The following JAZF1 variants were observed in gnomAD, a reference collection of about 807,000 sequenced individuals.
The protein encoded by JAZF1 is JAZF zinc finger 1.
In JAZF1, 8 loss-of-function variants were observed where a neutral mutation model predicts 26.4. That is an observed-to-expected ratio of 0.30 (90% confidence interval 0.18 to 0.55). JAZF1 has a LOEUF of 0.55. JAZF1 is among the 20% of genes least tolerant of loss of function. The pLI, the probability that JAZF1 is intolerant of heterozygous loss-of-function variation, is 0.94. For missense variants in JAZF1, 199 were observed against 322.0 expected, an observed-to-expected ratio of 0.62 and a Z score of 2.92; for synonymous variants, 126 against 122.3, an observed-to-expected ratio of 1.03 and a Z score of -0.20.
At chr7:28,010,817 G>A (rs945775819) in intron 1 of JAZF1, among the ~76,000 whole-genome samples, 7 of 152,240 alleles carry the variant, frequency 4.6e-5, no homozygotes, top group Admixed American at 6.5e-5. Flanking sequence ...AAGGTAAGAG[G>A]ATTCTCAATT....
At chr7:27,979,330 T>C (rs1212780215) in intron 2 of JAZF1, among the ~76,000 whole-genome samples, 7 of 141,156 alleles carry the variant, frequency 5.0e-5, no homozygotes, top group Non-Finnish European at 7.6e-5. Flanking sequence ...TTGCAGAAAA[T>C]ACAGTATAAT....
At chr7:28,004,092 T>A (rs944685054) in intron 1 of JAZF1, among the ~76,000 whole-genome samples, 1 of 152,108 alleles carries the variant, frequency 6.6e-6, no homozygotes, top group Non-Finnish European at 1.5e-5. Context: ...GATCTAAGAA[T>A]AATCTAGTGT....
chr7:27,952,791 A>C (rs147723058), intron 2 of JAZF1, among the ~76,000 whole-genome samples: 53 of 152,350 alleles, frequency 3.5e-4, no homozygotes, highest in African/African-American at 1.2e-3. Flanking sequence ...ACATGTTTGA[A>C]ACATGTTCAG....
chr7:27,980,058 C>A (rs1785551184), intron 2 of JAZF1, among the ~76,000 whole-genome samples: 1 of 152,108 alleles, frequency 6.6e-6, no homozygotes, highest in South Asian at 2.1e-4. Context: ...GGTGTCCTAC[C>A]CTATTTTTCC....
intron 1 of JAZF1, among the ~76,000 whole-genome samples, chr7:28,117,336 T>A (rs1784762988): frequency 6.6e-6 from 1 of 152,218 alleles, no homozygotes; most frequent in African/African-American, 2.4e-5. Flanking sequence ...TTCTCAGCAT[T>A]TTATGCAGAT....
chr7:28,110,513 GGAAAA>G (rs1467713449), intron 1 of JAZF1, among the ~76,000 whole-genome samples: 1 of 62,294 alleles, frequency 1.6e-5, no homozygotes, highest in Admixed American at 2.3e-4. Context: ...GAAAAGGAAA[GGAAAA>G]GGAAAAGGAA....
In JAZF1 at chr7:28,174,340, C is replaced by T. The variant is rs1011913723; in HGVS notation, c.115+6123G>A. Among the ~76,000 whole-genome samples, 4 of 152,288 alleles carry T rather than the reference C, an allele frequency of 2.6e-5. No homozygotes were observed. In the South Asian group the frequency reaches 8.3e-4, roughly 32 times the overall value. Reference sequence around the variant, plus strand: ...TCTCCTGTCTCTCAGACTCAGTCTACAACACCAGGCCTCTGGCTTCCAAAC... The same window carrying T: ...TCTCCTGTCTCTCAGACTCAGTCTATAACACCAGGCCTCTGGCTTCCAAAC... On this transcript the variant is annotated intron_variant, in intron 1 of 4. Coordinates refer to ENST00000283928, the MANE Select transcript of JAZF1 (RefSeq NM_175061.4).
chr7:27,994,108 C>T (rs1431428045), intron 1 of JAZF1, among the ~76,000 whole-genome samples: 2 of 152,080 alleles, frequency 1.3e-5, no homozygotes, highest in African/African-American at 4.8e-5. Context: ...TGTATGTGTA[C>T]AAAGATACAT....
intron 1 of JAZF1, among the ~76,000 whole-genome samples, chr7:28,176,238 G>C (rs908124119): frequency 3.3e-5 from 5 of 152,212 alleles, no homozygotes; most frequent in African/African-American, 1.2e-4. Flanking sequence ...TGTTTCAATA[G>C]CAAAGCTGAG....
intron 1 of JAZF1, among the ~76,000 whole-genome samples, chr7:28,116,727 C>T (rs1388351059): frequency 2.0e-5 from 3 of 152,142 alleles, no homozygotes; most frequent in South Asian, 4.1e-4. Context: ...GGATTACAGG[C>T]GTGAAACACC....
intron 3 of JAZF1, among the ~76,000 whole-genome samples, chr7:27,856,061 G>T (rs998499468): frequency 6.6e-6 from 1 of 152,208 alleles, no homozygotes; most frequent in Non-Finnish European, 1.5e-5. Context: ...GTCCGGAATT[G>T]GTGGGTTCTT....
intron 1 of JAZF1, among the ~76,000 whole-genome samples, chr7:28,018,584 T>C (rs550489057): frequency 6.6e-6 from 1 of 152,296 alleles, no homozygotes; most frequent in East Asian, 1.9e-4. Flanking sequence ...GGAAAAATTA[T>C]ACAGTCATCC....
intron 2 of JAZF1, among the ~76,000 whole-genome samples, chr7:27,900,323 C>T (rs562416594): frequency 1.5e-4 from 23 of 152,270 alleles, no homozygotes; most frequent in African/African-American, 5.3e-4. Flanking sequence ...TTGTTAAAAA[C>T]AAGGATATTT....
intron 4 of JAZF1, 126 bp from the exon 5 acceptor site, chr7:27,833,102 G>A: frequency 1.5e-6 from 1 of 660,974 alleles, no homozygotes; most frequent in Non-Finnish European, 2.4e-6. Flanking sequence ...TCTTTTGCAA[G>A]GACTCCAGTT....
intron 2 of JAZF1, among the ~76,000 whole-genome samples, chr7:27,947,065 G>C (rs1339166746): frequency 2.6e-5 from 4 of 152,170 alleles, no homozygotes; most frequent in Non-Finnish European, 5.9e-5. Flanking sequence ...TCATTTTATA[G>C]TGGAATCACA....
At chr7:28,170,107 T>C (rs914028516) in intron 1 of JAZF1, among the ~76,000 whole-genome samples, 1 of 151,170 alleles carries the variant, frequency 6.6e-6, no homozygotes, top group African/African-American at 2.5e-5. Context: ...TATGTACCAC[T>C]AGTCAAAAAA....
intron 1 of JAZF1, among the ~76,000 whole-genome samples, chr7:28,092,711 T>G (rs1317247100): frequency 1.3e-5 from 2 of 151,202 alleles, no homozygotes; most frequent in African/African-American, 4.9e-5. Context: ...ACCAAAAAAA[T>G]TAGCTGAGTG....
chr7:28,177,075 A>G (rs1231208579), intron 1 of JAZF1, among the ~76,000 whole-genome samples: 1 of 152,222 alleles, frequency 6.6e-6, no homozygotes, highest in African/African-American at 2.4e-5. Context: ...AAATTGATGG[A>G]AAAGCACTTC....
chr7:28,081,998 G>T (rs1330006527), intron 1 of JAZF1, among the ~76,000 whole-genome samples: 1 of 152,112 alleles, frequency 6.6e-6, no homozygotes, highest in Non-Finnish European at 1.5e-5. Flanking sequence ...TAAATAAGTT[G>T]ATCTCTAAAA....
Sources: allele counts gnomAD v4.1 joint callset (sites outside exome capture counted in the v4.1 genomes callset), GRCh38; gene constraint gnomAD v4.1.1; transcripts MANE v1.5; gene names NCBI Gene and HGNC (gene_info 2026-07-23, HGNC 2026-07-21).